CFDP1: variants seen among roughly 807,000 people sequenced by gnomAD.
CFDP1 encodes the protein heterochromatin-stabilizing protein CFDP1.
In CFDP1, 31 loss-of-function variants were observed where a neutral mutation model predicts 40.1. The observed-to-expected ratio is 0.77, with a 90% CI of 0.58 to 1.04. CFDP1 has a LOEUF of 1.04. Among genes scored for constraint, CFDP1 ranks in the 50% least tolerant of loss-of-function variants. The probability of loss-of-function intolerance (pLI) is 0.00; values close to 1 mark genes in which losing one functional copy is unlikely to be tolerated. For missense variants in CFDP1, 423 were observed against 343.4 expected, an observed-to-expected ratio of 1.23 and a Z score of -1.83; for synonymous variants, 167 against 120.0, an observed-to-expected ratio of 1.39 and a Z score of -2.56.
intron 5 of CFDP1, among the ~76,000 whole-genome samples, chr16:75,321,569 G>A (rs1045171080): frequency 6.6e-6 from 1 of 152,024 alleles, no homozygotes; most frequent in African/African-American, 2.4e-5. Flanking sequence ...TTTGTTTTGG[G>A]CTTTTACCAG....
chr16:75,342,144 G>C (rs1017831714), intron 5 of CFDP1, among the ~76,000 whole-genome samples: 39 of 152,306 alleles, frequency 2.6e-4, no homozygotes, highest in African/African-American at 8.9e-4. Context: ...TGTCAGGATT[G>C]ATTTGTGGCT....
At chr16:75,344,630 C>A (rs1311853160) in intron 5 of CFDP1, among the ~76,000 whole-genome samples, 1 of 152,186 alleles carries the variant, frequency 6.6e-6, no homozygotes, top group African/African-American at 2.4e-5. Flanking sequence ...CCAGAAGTAA[C>A]ATCATTTAGA....
chr16:75,293,814 TAGAC>T lies in CFDP1; in HGVS notation c.*134_*137del, dbSNP rs1369974591. ...TGAAACCATTTGTGATTAAGATACA[TAGAC>T]AGAACTTCAATGTAGAAAAAAAAAA... On this transcript the variant is annotated 3_prime_UTR_variant, in exon 7 of 7. Coordinates refer to ENST00000283882, the MANE Select transcript of CFDP1 (RefSeq NM_006324.3). The T allele has an allele frequency of 9.3e-6, 6 of 643,414 alleles. No individual in the cohort carries two copies. Among genetic ancestry groups the T allele is most frequent in the Non-Finnish European group, 1.6e-5 (6 of 375,512 alleles). 39.9% of individuals were successfully genotyped at this position (643,414 alleles called of 1,614,324 possible).
chr16:75,377,153 A>G (rs2078806087), intron 5 of CFDP1, among the ~76,000 whole-genome samples: 1 of 152,352 alleles, frequency 6.6e-6, no homozygotes, highest in African/African-American at 2.4e-5. Context: ...TGTATCAGTT[A>G]TATGGATGTA....
At chr16:75,328,683 A>G (rs1597334522) in intron 5 of CFDP1, among the ~76,000 whole-genome samples, 2 of 149,798 alleles carry the variant, frequency 1.3e-5, no homozygotes, top group South Asian at 2.1e-4. Context: ...TAATAAGCAT[A>G]ATTTTTTTTT....
chr16:75,381,307 T>C (rs1418768982), intron 5 of CFDP1: 1 of 151,522 alleles, frequency 6.6e-6, no homozygotes, highest in Non-Finnish European at 1.5e-5. Context: ...CAATAAAAAA[T>C]TAAAATTAAA....
intron 5 of CFDP1, among the ~76,000 whole-genome samples, chr16:75,311,770 ATT>A (rs548463039): frequency 0.022 from 3,189 of 141,808 alleles, 61 homozygotes; most frequent in African/African-American, 0.055. Flanking sequence ...GACCTTTACA[ATT>A]TTTTTTTTTT....
chr16:75,325,414 A>G (rs929513646), intron 5 of CFDP1, among the ~76,000 whole-genome samples: 1 of 151,948 alleles, frequency 6.6e-6, no homozygotes, highest in African/African-American at 2.4e-5. Flanking sequence ...TCAAATCTCC[A>G]TTTCTCAATG....
chr16:75,419,731 C>T (rs1319072879), intron 1 of CFDP1, among the ~76,000 whole-genome samples: 1 of 152,132 alleles, frequency 6.6e-6, no homozygotes, highest in Non-Finnish European at 1.5e-5. Context: ...CCCACCAAAA[C>T]CAGCGCCATG....
At chr16:75,361,936 G>A (rs1042828077) in intron 5 of CFDP1, among the ~76,000 whole-genome samples, 2 of 152,046 alleles carry the variant, frequency 1.3e-5, no homozygotes, top group Non-Finnish European at 2.9e-5. Flanking sequence ...CTGAAAGCGT[G>A]GCCTCAGGAA....
chr16:75,302,966 C>T (rs1413773127), intron 6 of CFDP1, among the ~76,000 whole-genome samples: 1 of 152,068 alleles, frequency 6.6e-6, no homozygotes, highest in East Asian at 1.9e-4. Context: ...GAGGCCGAGG[C>T]GGGTGGGCAG....
At chr16:75,384,131 G>C (rs2078873331) in intron 5 of CFDP1, among the ~76,000 whole-genome samples, 1 of 152,090 alleles carries the variant, frequency 6.6e-6, no homozygotes, top group South Asian at 2.1e-4. Flanking sequence ...GTGAGGCTGA[G>C]GTGGGCAGAT....
chr16:75,382,453 G>C (rs1350316952), intron 5 of CFDP1, among the ~76,000 whole-genome samples: 2 of 152,162 alleles, frequency 1.3e-5, no homozygotes, highest in Non-Finnish European at 1.5e-5. Flanking sequence ...GCCTGGCTTA[G>C]GCTTGCAGGA....
chr16:75,420,102 C>T (rs1189498137), intron 1 of CFDP1, among the ~76,000 whole-genome samples: 13 of 117,394 alleles, frequency 1.1e-4, no homozygotes, highest in Non-Finnish European at 1.9e-4. Context: ...CACAGTGAGA[C>T]CTTCATCTCA....
rs565965125 is a variant in CFDP1 at position 75,382,726 on chromosome 16, G to T, written c.650+12364C>A. Among the ~76,000 whole-genome samples, 195 of 152,294 alleles carry T rather than the reference G, an allele frequency of 1.3e-3. 1 individual carries two copies. The highest frequency in any genetic ancestry group is 4.1e-3 in the Admixed American group (62 of 15,300). ...CTTTGAAGCAAGTAACGCTATACAA[G>T]AGACCAAGATCAAGAGCATTTTTGT... On this transcript the variant is annotated intron_variant, in intron 5 of 6. Transcript: ENST00000283882.
chr16:75,416,858 C>A (rs1240730962), intron 1 of CFDP1, among the ~76,000 whole-genome samples: 1 of 152,144 alleles, frequency 6.6e-6, no homozygotes, highest in Non-Finnish European at 1.5e-5. Context: ...CAATCAATAT[C>A]CAAAATGGAA....
At chr16:75,300,884 GC>G (rs1470820586) in intron 6 of CFDP1, among the ~76,000 whole-genome samples, 2 of 152,012 alleles carry the variant, frequency 1.3e-5, no homozygotes, top group Non-Finnish European at 2.9e-5. Flanking sequence ...CCAGGGCCCA[GC>G]CCTGGGACCT....
At chr16:75,394,914 G>C in intron 5 of CFDP1, 176 bp downstream of exon 5, 4 of 757,930 alleles carry the variant, frequency 5.3e-6, no homozygotes, top group Non-Finnish European at 6.0e-6. Context: ...TCCTGAGAAA[G>C]TTATGGCTAA....
At position 75,411,895 on chromosome 16, in the gene CFDP1, G is replaced by C; in HGVS notation, c.460C>G (p.Leu154Val). Residue 154 changes from leucine to valine, a missense_variant, in exon 4 of 7, where the codon CTA becomes GTA. Transcript: ENST00000283882. ...SSKLLVKAEELEKPKETEKVK... is the reference protein window; with the variant it reads ...SSKLLVKAEEVEKPKETEKVK... ...TTTTCTGTTTCTTTAGGTTTCTCTA[G>C]CTCTTCTGCTTTTACCAACAATTTA... is the stretch of plus-strand genomic sequence containing the variant. 1.2e-6 allele frequency: 2 copies of C among 1,611,866 alleles called. No homozygotes were observed. The highest frequency in any genetic ancestry group is 8.5e-7 in the Non-Finnish European group (1 of 1,179,310).
Sources: gnomAD v4.1 joint callset for allele counts (sites outside exome capture counted in the v4.1 genomes callset) on GRCh38, gnomAD v4.1.1 for gene constraint, MANE v1.5 for transcripts, NCBI Gene and HGNC (gene_info 2026-07-23, HGNC 2026-07-21) for gene names.